CDKAL1: variants seen among roughly 807,000 people sequenced by gnomAD.
The protein encoded by CDKAL1 is threonylcarbamoyladenosine tRNA methylthiotransferase.
In CDKAL1, 32 loss-of-function variants were observed where a neutral mutation model predicts 68.2. The ratio of observed to expected loss-of-function variants is 0.47; its 90% CI spans 0.35 to 0.63. The LOEUF (loss-of-function observed/expected upper bound fraction) is 0.63, where lower values mean the gene tolerates loss of function less well. Among genes scored for constraint, CDKAL1 ranks in the 30% least tolerant of loss-of-function variants. CDKAL1 has a pLI of 0.00. For synonymous variants in CDKAL1, 234 were observed against 244.3 expected, an observed-to-expected ratio of 0.96 and a Z score of 0.39; for missense variants, 606 against 696.7, an observed-to-expected ratio of 0.87 and a Z score of 1.47.
chr6:20,586,978 GTTTTT>G (rs750210435), intron 4 of CDKAL1, among the ~76,000 whole-genome samples: 1 of 44,452 alleles, frequency 2.2e-5, no homozygotes, highest in Non-Finnish European at 3.8e-5. Context: ...TCCTCCAGGT[GTTTTT>G]TTTTTTTTTT....
At chr6:20,709,717 G>C (rs776851785) in intron 5 of CDKAL1, among the ~76,000 whole-genome samples, 1 of 152,176 alleles carries the variant, frequency 6.6e-6, no homozygotes, top group East Asian at 1.9e-4. Context: ...AAGAGACCTA[G>C]GTTGGGTCTT....
chr6:20,792,155 C>T (rs1221524726), intron 8 of CDKAL1, among the ~76,000 whole-genome samples: 2 of 152,130 alleles, frequency 1.3e-5, no homozygotes, highest in African/African-American at 2.4e-5. Flanking sequence ...AGCATGGTAG[C>T]ACCAGTTGTT....
rs750952504 is a variant in CDKAL1 at position 21,000,289 on chromosome 6, T to A, written c.972T>A (p.Ser324=). 3 of 1,613,944 alleles carry A rather than the reference T, an allele frequency of 1.9e-6. No homozygotes were observed. The South Asian group carries it at 3.3e-5, about 18-fold the overall frequency. Residue 324 remains serine, a synonymous_variant, in exon 11 of 16, where the codon TCT becomes TCA. Coordinates refer to ENST00000274695, the MANE Select transcript of CDKAL1 (RefSeq NM_017774.3). ...VYAFLHIPVQ[S]ASDSVLMEMK... is the part of the protein sequence containing the mutation. ...CTTTTCTGCACATACCAGTCCAGTCTGCCTCCGACAGCGTACTCATGGAAA... is the reference window on the plus strand; with the variant it reads ...CTTTTCTGCACATACCAGTCCAGTCAGCCTCCGACAGCGTACTCATGGAAA...
chr6:20,568,550 G>C (rs1299373074), intron 4 of CDKAL1, among the ~76,000 whole-genome samples: 3 of 151,652 alleles, frequency 2.0e-5, no homozygotes, highest in Non-Finnish European at 4.4e-5. Flanking sequence ...TGGCTAACAC[G>C]GTAAAACCCC....
At chr6:21,131,727 ATTATG>A (rs1210156240) in intron 13 of CDKAL1, among the ~76,000 whole-genome samples, 1 of 152,218 alleles carries the variant, frequency 6.6e-6, no homozygotes, top group Non-Finnish European at 1.5e-5. Flanking sequence ...CATTCAGTTA[ATTATG>A]TTAAGTTTTC....
At chr6:20,818,657 C>T (rs937081536) in intron 8 of CDKAL1, among the ~76,000 whole-genome samples, 1 of 151,294 alleles carries the variant, frequency 6.6e-6, no homozygotes, top group Non-Finnish European at 1.5e-5. Flanking sequence ...TTTGTTAGGA[C>T]AGATACATTA....
At chr6:20,737,482 G>A (rs996655568) in intron 5 of CDKAL1, among the ~76,000 whole-genome samples, 1 of 152,150 alleles carries the variant, frequency 6.6e-6, no homozygotes. Context: ...TTTGAATTTG[G>A]ATTTAATTAT....
intron 4 of CDKAL1, among the ~76,000 whole-genome samples, chr6:20,588,302 C>T (rs1204083758): frequency 6.6e-6 from 1 of 152,204 alleles, no homozygotes; most frequent in Admixed American, 6.5e-5. Context: ...ACTCTTCCTT[C>T]TCTATAACCC....
At chr6:21,160,359 G>T (rs1318867794) in intron 13 of CDKAL1, among the ~76,000 whole-genome samples, 2 of 151,314 alleles carry the variant, frequency 1.3e-5, no homozygotes, top group South Asian at 2.1e-4. Flanking sequence ...GTACAGTGGC[G>T]CAATCTCGGC....
intron 13 of CDKAL1, among the ~76,000 whole-genome samples, chr6:21,113,141 A>C (rs935937763): frequency 6.6e-6 from 1 of 152,214 alleles, no homozygotes; most frequent in Non-Finnish European, 1.5e-5. Context: ...TTTGGACCCA[A>C]ATACCCAGAT....
intron 4 of CDKAL1, among the ~76,000 whole-genome samples, chr6:20,555,708 C>T (rs776086934): frequency 5.3e-5 from 8 of 149,948 alleles, no homozygotes; most frequent in Admixed American, 2.0e-4. Flanking sequence ...CTGCAAGCTC[C>T]GCCTTCCAGG....
At chr6:20,674,437 T>G (rs1269529727) in intron 5 of CDKAL1, among the ~76,000 whole-genome samples, 2 of 152,282 alleles carry the variant, frequency 1.3e-5, no homozygotes, top group East Asian at 3.9e-4. Flanking sequence ...TTTTTAGAGT[T>G]TTTTCTTTTT....
At chr6:21,050,269 A>G (rs931952281) in intron 11 of CDKAL1, among the ~76,000 whole-genome samples, 29 of 152,264 alleles carry the variant, frequency 1.9e-4, no homozygotes, top group African/African-American at 6.7e-4. Context: ...TGATTGTAGG[A>G]ATTTTTTTTC....
chr6:20,574,962 A>T (rs186765074), intron 4 of CDKAL1, among the ~76,000 whole-genome samples: 5 of 152,186 alleles, frequency 3.3e-5, no homozygotes, highest in Non-Finnish European at 7.4e-5. Flanking sequence ...ATATTTTGGA[A>T]TTTTCATTTC....
chr6:20,678,091 G>T (rs190656440), intron 5 of CDKAL1, among the ~76,000 whole-genome samples: 77 of 144,466 alleles, frequency 5.3e-4, no homozygotes, highest in African/African-American at 1.8e-3. Context: ...GATCTGTGTT[G>T]TTTTTTTTTT....
intron 12 of CDKAL1, among the ~76,000 whole-genome samples, chr6:21,090,560 T>C (rs1255983976): frequency 6.6e-6 from 1 of 152,210 alleles, no homozygotes; most frequent in African/African-American, 2.4e-5. Flanking sequence ...TATGGAGTTA[T>C]ATATTTTTCT....
intron 11 of CDKAL1, among the ~76,000 whole-genome samples, chr6:21,039,624 CT>C: frequency 6.6e-6 from 1 of 152,068 alleles, no homozygotes; most frequent in East Asian, 1.9e-4. Flanking sequence ...TGTTTATTTC[CT>C]CACTAAACAT....
intron 2 of CDKAL1, among the ~76,000 whole-genome samples, 174 bp from the exon 3 acceptor site, chr6:20,546,170 AAT>A (rs34206163): frequency 0.23 from 35,654 of 152,060 alleles, 5,060 homozygotes; most frequent in East Asian, 0.53. Flanking sequence ...TTCTTTTTTC[AAT>A]ATACCCAAGA....
rs1561909827 is a variant in CDKAL1, at chr6:20,539,904, CAA to C, written c.-6+4511_-6+4512del. 3.9e-5 allele frequency among the ~76,000 whole-genome samples: 6 copies of C among 151,998 alleles called. No individual in the cohort carries two copies. Among genetic ancestry groups the C allele is most frequent in the Admixed American group, 3.3e-4 (5 of 15,256 alleles). On this transcript the variant is annotated intron_variant, in intron 2 of 15. Coordinates refer to ENST00000274695, the MANE Select transcript of CDKAL1 (RefSeq NM_017774.3). This position sits in a 1 kb window ranked among gnomAD's most constrained non-coding sequence, Gnocchi z 4.3. ...ATATTAGGGATTGCAATAATCCAGA[CAA>C]GAGGTGATGTTGGTTTGGACCAAGA... is the stretch of plus-strand genomic sequence containing the variant.
Sources: allele counts gnomAD v4.1 joint callset (sites outside exome capture counted in the v4.1 genomes callset), GRCh38; gene constraint gnomAD v4.1.1; non-coding constraint Gnocchi (gnomAD v3.1); transcripts MANE v1.5; gene names NCBI Gene and HGNC (gene_info 2026-07-23, HGNC 2026-07-21).